Variants in DPP10 observed in about 807,000 individuals in gnomAD.
DPP10 encodes inactive dipeptidyl peptidase 10.
Under a neutral mutation model 120.9 loss-of-function variants are expected in DPP10, and 33 were observed. That is an observed-to-expected ratio of 0.27 (90% CI 0.21 to 0.37). DPP10 has a LOEUF of 0.37. Among genes scored for constraint, DPP10 ranks in the 10% least tolerant of loss-of-function variants. The pLI is 1.00. For missense variants in DPP10, 816 were observed against 942.8 expected (o/e 0.87, Z 1.76); for synonymous variants, 337 against 326.1 (o/e 1.03, Z -0.36).
intron 1 of DPP10, among the ~76,000 whole-genome samples, chr2:114,752,890 T>C (rs1012642184): frequency 2.0e-5 from 3 of 152,170 alleles, no homozygotes; most frequent in Non-Finnish European, 4.4e-5. Context: ...TAGGCAGAGA[T>C]TGTCAATGGA....
At chr2:114,513,540 A>AAAAG (rs1684340669) in intron 1 of DPP10, among the ~76,000 whole-genome samples, 1 of 150,924 alleles carries the variant, frequency 6.6e-6, no homozygotes, top group African/African-American at 2.4e-5. Context: ...AAAAAAAAAA[A>AAAAG]AAAGAAACTA....
chr2:115,069,156 T>A (rs930806866), intron 1 of DPP10, among the ~76,000 whole-genome samples: 3 of 152,136 alleles, frequency 2.0e-5, no homozygotes, highest in Non-Finnish European at 4.4e-5. Context: ...TTTAACAATA[T>A]AGATTCTTCC....
chr2:115,008,191 C>T (rs1241105742), intron 1 of DPP10, among the ~76,000 whole-genome samples: 1 of 129,052 alleles, frequency 7.7e-6, no homozygotes, highest in East Asian at 2.3e-4. Flanking sequence ...TACAAGGCTA[C>T]AGTAACCAAA....
intron 1 of DPP10, among the ~76,000 whole-genome samples, chr2:115,187,909 C>T (rs1449202505): frequency 2.0e-5 from 3 of 152,050 alleles, no homozygotes; most frequent in Admixed American, 6.5e-5. Context: ...GTCCCAGCTA[C>T]TTGGGAGGCT....
chr2:114,563,335 G>A (rs1688923786), intron 1 of DPP10, among the ~76,000 whole-genome samples: 1 of 150,478 alleles, frequency 6.6e-6, no homozygotes, highest in African/African-American at 2.4e-5. Context: ...TGGTGCCACT[G>A]CACTCCAGCC....
chr2:115,040,831 T>C (rs1202038536), intron 1 of DPP10, among the ~76,000 whole-genome samples: 1 of 152,096 alleles, frequency 6.6e-6, no homozygotes, highest in African/African-American at 2.4e-5. Flanking sequence ...GAAAGTTTCC[T>C]GAGGCTGCCG....
At chr2:115,381,492 C>G (rs2066351798) in intron 3 of DPP10, among the ~76,000 whole-genome samples, 1 of 152,136 alleles carries the variant, frequency 6.6e-6, no homozygotes, top group Non-Finnish European at 1.5e-5. Flanking sequence ...TTTGCCTCTG[C>G]TTTGAATGTC....
At chr2:114,949,886 C>T (rs544804452) in intron 1 of DPP10, among the ~76,000 whole-genome samples, 1 of 152,268 alleles carries the variant, frequency 6.6e-6, no homozygotes, top group East Asian at 1.9e-4. Flanking sequence ...AGGGTTTTCA[C>T]AGTTTTAATT....
chr2:114,792,570 C>T (rs1683348019), intron 1 of DPP10, among the ~76,000 whole-genome samples: 1 of 152,200 alleles, frequency 6.6e-6, no homozygotes, highest in African/African-American at 2.4e-5. Flanking sequence ...AGATAGTCCC[C>T]ATTTTTCTCT....
intron 1 of DPP10, among the ~76,000 whole-genome samples, chr2:114,686,631 A>G (rs1039759864): frequency 3.9e-5 from 6 of 151,940 alleles, no homozygotes; most frequent in Non-Finnish European, 7.4e-5. Context: ...GCCGAGCTTA[A>G]GTTATGTGGC....
intron 3 of DPP10, among the ~76,000 whole-genome samples, chr2:115,345,410 T>C (rs2063662865): frequency 6.6e-6 from 1 of 152,202 alleles, no homozygotes; most frequent in Admixed American, 6.5e-5. Context: ...CTCTCATAAA[T>C]AATTCTTCTA....
chr2:115,840,979 G>A (rs887770798), intron 25 of DPP10, among the ~76,000 whole-genome samples, 156 bp downstream of exon 25: 5 of 150,408 alleles, frequency 3.3e-5, no homozygotes, highest in Non-Finnish European at 7.4e-5. Context: ...TGATTACACC[G>A]AGAATGTGGA....
chr2:115,278,588 T>G (rs2060012378), intron 1 of DPP10, among the ~76,000 whole-genome samples: 1 of 151,952 alleles, frequency 6.6e-6, no homozygotes, highest in South Asian at 2.1e-4. Context: ...TGCTTCTACT[T>G]ATGGTGGAAG....
At chr2:115,338,618 G>A (rs2063287957) in intron 2 of DPP10, among the ~76,000 whole-genome samples, 2 of 151,862 alleles carry the variant, frequency 1.3e-5, no homozygotes, top group African/African-American at 4.8e-5. Flanking sequence ...GAGCCACCTT[G>A]CCCAGCTCAG....
intron 1 of DPP10, among the ~76,000 whole-genome samples, chr2:114,452,776 G>A (rs1253323406): frequency 6.6e-6 from 1 of 152,096 alleles, no homozygotes; most frequent in Non-Finnish European, 1.5e-5. Context: ...TTAAATTGAT[G>A]CCCAAATATC....
intron 1 of DPP10, among the ~76,000 whole-genome samples, chr2:115,092,118 C>G (rs1709316490): frequency 6.6e-6 from 1 of 152,052 alleles, no homozygotes; most frequent in African/African-American, 2.4e-5. Context: ...AATAAAGAAA[C>G]TGAACCTCAG....
At chr2:115,448,754 A>C (rs1189817208) in intron 3 of DPP10, among the ~76,000 whole-genome samples, 2 of 152,184 alleles carry the variant, frequency 1.3e-5, no homozygotes, top group Non-Finnish European at 2.9e-5. Context: ...GGTAAATTAT[A>C]AAATGCTATT....
At chr2:115,603,020 A>G (rs2083430398) in intron 5 of DPP10, among the ~76,000 whole-genome samples, 1 of 151,958 alleles carries the variant, frequency 6.6e-6, no homozygotes, top group Non-Finnish European at 1.5e-5. Flanking sequence ...AAGTTGGTGC[A>G]TTTGCCATTC....
chr2:115,536,988 T>C (rs1174449834), intron 5 of DPP10, among the ~76,000 whole-genome samples: 1 of 152,078 alleles, frequency 6.6e-6, no homozygotes, highest in Admixed American at 6.6e-5. Context: ...GTGAGACTTA[T>C]TTTAAAACTG....
Sources: allele counts gnomAD v4.1 joint callset (sites outside exome capture counted in the v4.1 genomes callset), GRCh38; gene constraint gnomAD v4.1.1; transcripts MANE v1.5; gene names NCBI Gene and HGNC (gene_info 2026-07-23, HGNC 2026-07-21).